PARVG: variants seen among roughly 807,000 people sequenced by gnomAD.
PARVG encodes the protein gamma-parvin.
A neutral mutation model predicts 44.4 loss-of-function variants in PARVG; 36 were observed. The observed-to-expected ratio is 0.81, with a 90% CI of 0.62 to 1.07. PARVG has a LOEUF of 1.07. PARVG is among the 50% of genes least tolerant of loss of function. PARVG has a pLI of 0.00. For missense variants in PARVG, 407 were observed against 407.4 expected (o/e 1.00, Z 0.01); for synonymous variants, 170 against 174.1 (o/e 0.98, Z 0.19).
intron 13 of PARVG, 91 bp from the exon 14 acceptor site, chr22:44,206,226 T>C (rs1227842076): frequency 1.1e-6 from 1 of 937,246 alleles, no homozygotes; most frequent in Non-Finnish European, 1.7e-6. Context: ...AGCACTGAAA[T>C]CCTGAATGCC....
chr22:44,192,814 C>T (rs897443503), intron 8 of PARVG, among the ~76,000 whole-genome samples: 2 of 151,990 alleles, frequency 1.3e-5, no homozygotes, highest in African/African-American at 2.4e-5. Context: ...TCTTGCTCCC[C>T]GCCCACTGGG....
Position 44,206,758 on chromosome 22 carries a change from C to G in PARVG, c.*332C>G. On this transcript the variant is annotated 3_prime_UTR_variant, in exon 14 of 14. Transcript: ENST00000444313. Reference sequence around the variant, plus strand: ...TCAGTCTCTCATCTCTGGGCCCAGGCTAGTGACCGCCCAGAGAGGTGGCAT... The same window carrying G: ...TCAGTCTCTCATCTCTGGGCCCAGGGTAGTGACCGCCCAGAGAGGTGGCAT... The G allele has an allele frequency of 3.2e-6, 1 of 311,574 alleles. No homozygotes were observed. The highest frequency in any genetic ancestry group is 6.1e-6 in the Non-Finnish European group (1 of 164,704). The allele number at this position is 311,574 out of a possible 1,614,324, so 19.3% of individuals were successfully genotyped here. A position where few individuals can be genotyped will look rare whatever the true frequency, so the allele number is the denominator to read the frequency against.
At position 44,206,454 on chromosome 22, in the gene PARVG, T is replaced by C; in HGVS notation, c.*28T>C. The C allele has an allele frequency of 6.2e-7, 1 of 1,605,298 alleles. No homozygotes were observed. The highest frequency in any genetic ancestry group is 8.5e-7 in the Non-Finnish European group (1 of 1,172,322). On this transcript the variant is annotated 3_prime_UTR_variant, in exon 14 of 14. Transcript: ENST00000444313. Reference sequence around the variant, plus strand: ...CTCACTGCCTCCAAAGCCCAGAGCCTGCCTGTCAGCCCAGCTGGAGGGCCC... The same window carrying C: ...CTCACTGCCTCCAAAGCCCAGAGCCCGCCTGTCAGCCCAGCTGGAGGGCCC...
intron 12 of PARVG, among the ~76,000 whole-genome samples, chr22:44,203,986 A>C (rs2054745500): frequency 6.6e-6 from 1 of 152,222 alleles, no homozygotes; most frequent in Non-Finnish European, 1.5e-5. Context: ...CTGGGATTAC[A>C]GGCACGTGCC....
In PARVG at chr22:44,181,806, C is replaced by T. The variant is rs941896487; in HGVS notation, c.-124C>T. On this transcript the variant is annotated 5_prime_UTR_variant, in exon 2 of 14. Coordinates refer to ENST00000444313, the MANE Select transcript of PARVG (RefSeq NM_022141.7). Reference sequence around the variant, plus strand: ...AGTGAGCAGCGGGGCTCCTGCCTCCCGGCCTGGTCCCCGAAGACCCCAGAA... The same window carrying T: ...AGTGAGCAGCGGGGCTCCTGCCTCCTGGCCTGGTCCCCGAAGACCCCAGAA... 1 of 985,472 alleles carries T rather than the reference C, an allele frequency of 1.0e-6. No individual in the cohort carries two copies. The highest frequency in any genetic ancestry group is 1.2e-6 in the Non-Finnish European group (1 of 829,990). 61.0% of individuals were successfully genotyped at this position (985,472 alleles called of 1,614,324 possible).
Position 44,187,776 on chromosome 22 carries a change from G to T in PARVG, c.145G>T (p.Val49Leu). 1 of 1,614,236 alleles carries T rather than the reference G, an allele frequency of 6.2e-7. No homozygotes were observed. Among genetic ancestry groups the T allele is most frequent in the East Asian group, 2.2e-5 (1 of 44,882 alleles). ...KDPKFEELQKVLMEWINATLL... is the reference protein window; with the variant it reads ...KDPKFEELQKLLMEWINATLL... ...AAAGTTGTCCCCTTGGAGCCTGCAG[G>T]TGTTGATGGAGTGGATCAATGCCAC... is the stretch of plus-strand genomic sequence containing the variant. The change falls in exon 5 of 14, where the codon GTG becomes TTG. Residue 49 changes from valine to leucine, a missense_variant and splice_region_variant. Coordinates refer to ENST00000444313, the MANE Select transcript of PARVG (RefSeq NM_022141.7).
chr22:44,186,905 C>T (rs1024491064), intron 4 of PARVG: 4 of 324,058 alleles, frequency 1.2e-5, no homozygotes, highest in South Asian at 4.9e-5. Flanking sequence ...ACCCCTGCCC[C>T]GACAACCTCC....
intron 3 of PARVG, chr22:44,184,590 C>T (rs8136088): frequency 0.26 from 39,111 of 152,208 alleles, 5,542 homozygotes; most frequent in Admixed American, 0.37. Context: ...CCACCCGCCT[C>T]GGCCTCCCAA....
chr22:44,186,826 G>A, intron 4 of PARVG: 1 of 379,486 alleles, frequency 2.6e-6, no homozygotes, highest in South Asian at 1.9e-5. Context: ...GTACCCTGGA[G>A]CCAGCATAGA....
rs946161903 is a variant in PARVG at position 44,208,225 on chromosome 22, C to T, written c.*1799C>T. On this transcript the variant is annotated 3_prime_UTR_variant, in exon 14 of 14. Transcript: ENST00000444313. The stretch of plus-strand genomic sequence containing the variant: ...AAAGTGACTTATTTAATTACTGTAG[C>T]TTTATTGAAAAATAACTTCCCAGTT... 15 of 152,224 alleles carry T rather than the reference C, an allele frequency of 9.9e-5. No individual in the cohort carries two copies. Among genetic ancestry groups the T allele is most frequent in the African/African-American group, 3.6e-4 (15 of 41,454 alleles). 9.4% of individuals were successfully genotyped at this position (152,224 alleles called of 1,614,324 possible). A position where few individuals can be genotyped will look rare whatever the true frequency, so the allele number is the denominator to read the frequency against.
intron 12 of PARVG, among the ~76,000 whole-genome samples, chr22:44,204,292 A>G (rs139177): frequency 0.47 from 71,605 of 151,772 alleles, 16,787 homozygotes; most frequent in African/African-American, 0.51. Flanking sequence ...TCCAGCTCCT[A>G]TGCCTTCATC....
upstream of PARVG, among the ~76,000 whole-genome samples, chr22:44,179,118 C>T (rs529194483): frequency 3.7e-3 from 439 of 118,586 alleles, 4 homozygotes; most frequent in African/African-American, 0.015. This position sits in a 1 kb window ranked among gnomAD's most constrained non-coding sequence, Gnocchi z 4.2. Flanking sequence ...TATTTCACAC[C>T]GTGTCTCTGA....
At chr22:44,201,803 G>C (rs1282120566) in intron 12 of PARVG, among the ~76,000 whole-genome samples, 1 of 152,128 alleles carries the variant, frequency 6.6e-6, no homozygotes, top group Non-Finnish European at 1.5e-5. Context: ...TGTCGTGGCT[G>C]GGTGGCTCGG....
chr22:44,200,696 C>T (rs921038572), intron 12 of PARVG, among the ~76,000 whole-genome samples: 42 of 152,264 alleles, frequency 2.8e-4, no homozygotes, highest in African/African-American at 7.2e-4. Flanking sequence ...CCACATGCCC[C>T]GTCCCAGGGC....
intron 8 of PARVG, among the ~76,000 whole-genome samples, chr22:44,192,476 G>GTTGC (rs1403130999): frequency 7.2e-5 from 11 of 152,172 alleles, no homozygotes; most frequent in Middle Eastern, 3.2e-3. Context: ...TGGCCGTCTT[G>GTTGC]CTGCCTGCCC....
chr22:44,188,133 G>A, intron 5 of PARVG: 2 of 554,482 alleles, frequency 3.6e-6, no homozygotes, highest in Non-Finnish European at 6.5e-6. Flanking sequence ...ACACCACACT[G>A]CCTCTCTAAC....
intron 6 of PARVG, among the ~76,000 whole-genome samples, chr22:44,189,969 C>G (rs2054526278): frequency 6.6e-6 from 1 of 152,090 alleles, no homozygotes; most frequent in Non-Finnish European, 1.5e-5. Context: ...CTTCCCCACC[C>G]CACCTGGTTC....
Position 44,192,148 on chromosome 22 carries a change from G to A in PARVG, c.560+44G>A, listed in dbSNP as rs202135193. The A allele has an allele frequency of 1.4e-4, 232 of 1,603,608 alleles. 1 individual carries two copies. In the East Asian group the frequency reaches 4.5e-3, roughly 31 times the overall value. On this transcript the variant is annotated intron_variant, in intron 8 of 13. Transcript: ENST00000444313. ...CCCATGGGTGGGGCTGGGGCTCACA[G>A]CGGTGGATGGGGGCAGGGTGGGGGC...
chr22:44,187,737 T>A, intron 4 of PARVG, 39 bp from the exon 5 acceptor site: 2 of 1,598,824 alleles, frequency 1.3e-6, no homozygotes, highest in Non-Finnish European at 1.7e-6. Context: ...AGGTGAGAAG[T>A]CTCCATCCCC....
Sources: allele counts gnomAD v4.1 joint callset (sites outside exome capture counted in the v4.1 genomes callset), GRCh38; gene constraint gnomAD v4.1.1; non-coding constraint Gnocchi (gnomAD v3.1); transcripts MANE v1.5; gene names NCBI Gene and HGNC (gene_info 2026-07-23, HGNC 2026-07-21).